Variants in NADSYN1 observed in about 807,000 individuals in gnomAD.
NADSYN1 encodes glutamine-dependent NAD(+) synthetase.
NADSYN1 carries 80 observed loss-of-function variants against 99.3 expected under a neutral mutation model. That is an observed-to-expected ratio of 0.81 (90% CI 0.67 to 0.97). The LOEUF is 0.97. NADSYN1 is among the 50% of genes least tolerant of loss of function. The pLI, the probability that NADSYN1 is intolerant of heterozygous loss-of-function variation, is 0.00. For synonymous variants in NADSYN1, 385 were observed against 372.1 expected (o/e 1.03, Z -0.40); for missense variants, 859 against 948.5 (o/e 0.91, Z 1.24).
Position 71,498,412 on chromosome 11 carries a change from A to G in NADSYN1, c.1954A>G (p.Thr652Ala). The G allele has an allele frequency of 2.5e-6, 4 of 1,614,228 alleles. No individual in the cohort carries two copies. The highest frequency in any genetic ancestry group is 3.4e-6 in the Non-Finnish European group (4 of 1,180,030). Residue 652 changes from threonine to alanine, a missense_variant, in exon 20 of 21, where the codon ACG becomes GCG. Thr to Ala is a moderately conservative substitution (Grantham distance 58). Coordinates refer to ENST00000319023, the MANE Select transcript of NADSYN1 (RefSeq NM_018161.5). The stretch of plus-strand genomic sequence containing the variant: ...CTCCATGAACAGACACAAGATGACC[A>G]CGCTCACACCCGCGTACCACGCCGA... ...KYSMNRHKMT[T>A]LTPAYHAENY...
At chr11:71,462,473 C>T (rs1417330225) in intron 3 of NADSYN1, among the ~76,000 whole-genome samples, 3 of 152,136 alleles carry the variant, frequency 2.0e-5, no homozygotes, top group Non-Finnish European at 4.4e-5. Context: ...GAGCAGTGCC[C>T]ATCTTGTATG....
In NADSYN1 at chr11:71,473,457, C is replaced by T. The variant is rs757606825; in HGVS notation, c.548+91C>T. 3.4e-5 allele frequency: 52 copies of T among 1,520,958 alleles called. 1 individual carries two copies. Among genetic ancestry groups the T allele is most frequent in the South Asian group, 2.3e-4 (20 of 87,374 alleles). 94.2% of individuals were successfully genotyped at this position (1,520,958 alleles called of 1,614,324 possible). ...ACTGCAGACGTCCTGGGGCCGTGGC[C>T]GTGGCCGTGGCCGTGGGCTGGGAGC... On this transcript the variant is annotated intron_variant, in intron 7 of 20. Transcript: ENST00000319023.
At chr11:71,455,263 T>C in intron 2 of NADSYN1, 93 bp downstream of exon 2, 1 of 1,131,078 alleles carries the variant, frequency 8.8e-7, no homozygotes, top group Non-Finnish European at 1.3e-6. Flanking sequence ...GCAGGGACAG[T>C]CCTGAGAGCT....
At position 71,458,428 on chromosome 11, in the gene NADSYN1, C is replaced by T. The variant is rs141272977; in HGVS notation, c.147C>T (p.Cys49=). ...RYRLGPELEI[C]GYGCWDHYYE... Reference sequence around the variant, plus strand: ...GCTCACCTTCTCACTGTCTCTGCAGCGGCTACGGATGTTGGGATCATTATT... The same window carrying T: ...GCTCACCTTCTCACTGTCTCTGCAGTGGCTACGGATGTTGGGATCATTATT... Residue 49 remains cysteine, a splice_region_variant and synonymous_variant, in exon 3 of 21, where the codon TGC becomes TGT. Transcript: ENST00000319023. 33 of 1,611,242 alleles carry T rather than the reference C, an allele frequency of 2.0e-5. No individual in the cohort carries two copies. The highest frequency in any genetic ancestry group is 1.2e-4 in the Admixed American group (7 of 59,964).
chr11:71,455,299 G>A (rs929874000), intron 2 of NADSYN1, 129 bp downstream of exon 2: 1 of 728,930 alleles, frequency 1.4e-6, no homozygotes. Flanking sequence ...CCACTGTTGG[G>A]CCTGGTTAAT....
chr11:71,481,005 C>T (rs779837258), intron 11 of NADSYN1, 126 bp downstream of exon 11: 4 of 1,342,746 alleles, frequency 3.0e-6, no homozygotes, highest in Non-Finnish European at 4.1e-6. Flanking sequence ...CAGAAGGCAA[C>T]TGTGCATCCC....
At chr11:71,497,433 C>A in intron 18 of NADSYN1, 50 bp from the exon 19 acceptor site, 2 of 1,612,060 alleles carry the variant, frequency 1.2e-6, no homozygotes, top group East Asian at 2.2e-5. Flanking sequence ...TTAGGCTCTC[C>A]CCCCGCTGTG....
At chr11:71,489,862 T>C (rs1949767629) in intron 16 of NADSYN1, among the ~76,000 whole-genome samples, 1 of 152,128 alleles carries the variant, frequency 6.6e-6, no homozygotes, top group African/African-American at 2.4e-5. Context: ...AAGGGCACCA[T>C]TGAGGGAATT....
intron 16 of NADSYN1, among the ~76,000 whole-genome samples, chr11:71,486,281 A>G (rs1949742415): frequency 6.6e-6 from 1 of 152,002 alleles, no homozygotes; most frequent in South Asian, 2.1e-4. Flanking sequence ...TTGTCTATGC[A>G]TCCATCTATC....
intron 16 of NADSYN1, among the ~76,000 whole-genome samples, chr11:71,487,787 C>T (rs1362187849): frequency 7.3e-6 from 1 of 137,214 alleles, no homozygotes; most frequent in Non-Finnish European, 1.6e-5. Context: ...GCCGAGTTCG[C>T]GCCACTGCAC....
rs969125492 is a variant in NADSYN1 at position 71,481,973 on chromosome 11, C to T, written c.1098C>T (p.Ala366=). 1 of 1,611,396 alleles carries T rather than the reference C, an allele frequency of 6.2e-7. No homozygotes were observed. Among genetic ancestry groups the T allele is most frequent in the Non-Finnish European group, 8.5e-7 (1 of 1,178,830 alleles). The change falls in exon 13 of 21, where the codon GCC becomes GCT. Residue 366 remains alanine, a synonymous_variant. Transcript: ENST00000319023. The part of the protein sequence containing the change: ...LSGGVDSAAT[A]CLIYSMCCQV... ...GCGGGGTGGACAGCGCAGCCACCGCCTGCCTCATCTACTCCATGTGCTGCC... is the reference window on the plus strand; with the variant it reads ...GCGGGGTGGACAGCGCAGCCACCGCTTGCCTCATCTACTCCATGTGCTGCC...
chr11:71,453,273 C>G lies in NADSYN1; in HGVS notation c.-24C>G. 6.2e-7 allele frequency: 1 copy of G among 1,610,500 alleles called. No individual in the cohort carries two copies. On this transcript the variant is annotated 5_prime_UTR_variant, in exon 1 of 21. Coordinates refer to ENST00000319023, the MANE Select transcript of NADSYN1 (RefSeq NM_018161.5). ...TGGTCTTGCTGTCCCCCGCTGGCCTCCTGCCCAAGCGACTGCGGCCAGGAT... is the reference window on the plus strand; with the variant it reads ...TGGTCTTGCTGTCCCCCGCTGGCCTGCTGCCCAAGCGACTGCGGCCAGGAT...
At position 71,463,507 on chromosome 11, in the gene NADSYN1, C is replaced by T. The variant is rs1629220; in HGVS notation, c.317+22C>T. The T allele has an allele frequency of 0.23, 371,062 of 1,608,888 alleles. 49,434 individuals carry two copies. Among genetic ancestry groups the T allele is most frequent in the South Asian group, 0.46 (41,813 of 90,812 alleles). On this transcript the variant is annotated intron_variant, in intron 4 of 20. Coordinates refer to ENST00000319023, the MANE Select transcript of NADSYN1 (RefSeq NM_018161.5). ...ACAGGTAGGCCCCCTGCCCCCACCC[C>T]GGGAGGGTGACTGGGGCCTCTCCCT...
chr11:71,462,951 C>T (rs944621587), intron 3 of NADSYN1, among the ~76,000 whole-genome samples: 2 of 151,972 alleles, frequency 1.3e-5, no homozygotes, highest in Non-Finnish European at 2.9e-5. Context: ...AGGGTGTTGG[C>T]GAGGTGATGG....
chr11:71,483,106 G>A, intron 14 of NADSYN1, 89 bp downstream of exon 14: 1 of 1,484,910 alleles, frequency 6.7e-7, no homozygotes, highest in Non-Finnish European at 9.3e-7. Context: ...ATTGGTGACT[G>A]GCTTCATTCA....
chr11:71,478,648 G>T (rs1344749865), intron 10 of NADSYN1, 179 bp downstream of exon 10: 6 of 602,202 alleles, frequency 1.0e-5, no homozygotes, highest in African/African-American at 5.5e-5. Flanking sequence ...GCTTCCATCT[G>T]TTCCCCGTCA....
intron 9 of NADSYN1, chr11:71,475,374 C>G (rs1949658252): frequency 6.5e-6 from 1 of 152,982 alleles, no homozygotes; most frequent in African/African-American, 2.4e-5. Context: ...CCTGGGGGAG[C>G]TGTGAGTTAC....
chr11:71,484,333 C>A lies in NADSYN1; in HGVS notation c.1341C>A (p.Ile447=), dbSNP rs116695422. The A allele has an allele frequency of 6.2e-7, 1 of 1,613,938 alleles. No individual in the cohort carries two copies. Among genetic ancestry groups the A allele is most frequent in the African/African-American group, 1.3e-5 (1 of 74,928 alleles). ...QIGSHHISLN[I]DPAVKAVMGI... The stretch of plus-strand genomic sequence containing the variant: ...CCAGCCACCACATCAGTCTCAACAT[C>A]GATCCAGCCGTGAAGGCCGTCATGG... The change falls in exon 15 of 21, where the codon ATC becomes ATA. Residue 447 remains isoleucine, a synonymous_variant. Coordinates refer to ENST00000319023, the MANE Select transcript of NADSYN1 (RefSeq NM_018161.5).
chr11:71,474,638 C>G, intron 9 of NADSYN1, 112 bp downstream of exon 9: 1 of 1,415,686 alleles, frequency 7.1e-7, no homozygotes, highest in Non-Finnish European at 9.9e-7. Context: ...GAGAAGCCCC[C>G]GGGGGTCCCG....
Sources: gnomAD v4.1 joint callset for allele counts (sites outside exome capture counted in the v4.1 genomes callset) on GRCh38, gnomAD v4.1.1 for gene constraint, MANE v1.5 for transcripts, NCBI Gene and HGNC (gene_info 2026-07-23, HGNC 2026-07-21) for gene names.